The following TENM2 variants were observed in gnomAD, a reference collection of about 807,000 sequenced individuals.
The protein encoded by TENM2 is teneurin-2.
Under a neutral mutation model 245.2 loss-of-function variants are expected in TENM2, and 52 were observed. The observed-to-expected ratio is 0.21, with a 90% CI of 0.17 to 0.27. The LOEUF (loss-of-function observed/expected upper bound fraction) is 0.27. Ranked by LOEUF, TENM2 falls within the 10% of genes least tolerant of loss-of-function variation. The pLI is 1.00. For missense variants in TENM2, 3,046 were observed against 3,666.8 expected, an observed-to-expected ratio of 0.83 and a Z score of 4.37; for synonymous variants, 1,363 against 1,438.9, an observed-to-expected ratio of 0.95 and a Z score of 1.19.
At chr5:167,513,212 A>G (rs1770087746) in intron 2 of TENM2, among the ~76,000 whole-genome samples, 1 of 152,202 alleles carries the variant, frequency 6.6e-6, no homozygotes, top group Admixed American at 6.5e-5. Flanking sequence ...CCTTAGTAAC[A>G]TGTCACTTAT....
intron 3 of TENM2, chr5:167,948,771 A>C (rs939014738): frequency 2.0e-5 from 3 of 152,238 alleles, no homozygotes; most frequent in African/African-American, 4.8e-5. Context: ...AAGAGCTCTT[A>C]GTAATATGCA....
At chr5:167,495,948 T>A (rs1317248066) in intron 2 of TENM2, among the ~76,000 whole-genome samples, 1 of 152,060 alleles carries the variant, frequency 6.6e-6, no homozygotes, top group African/African-American at 2.4e-5. Flanking sequence ...GATTTTAAGA[T>A]GTTGCAAAGT....
the TENM2 span, among the ~76,000 whole-genome samples, chr5:167,008,660 G>A: frequency 1.3e-5 from 2 of 152,098 alleles, no homozygotes; most frequent in Admixed American, 6.5e-5. Context: ...ATGTTGAAAC[G>A]ATTTTCTTCC....
chr5:167,883,504 G>T (rs920495678), intron 3 of TENM2, among the ~76,000 whole-genome samples: 1 of 152,222 alleles, frequency 6.6e-6, no homozygotes, highest in African/African-American at 2.4e-5. Flanking sequence ...AATCAAGATG[G>T]ACAGGTAATT....
the TENM2 span, among the ~76,000 whole-genome samples, chr5:167,176,960 G>T: frequency 6.6e-6 from 1 of 152,106 alleles, no homozygotes; most frequent in East Asian, 1.9e-4. Flanking sequence ...AATTTTATCT[G>T]GGACAAGGCA....
At chr5:167,216,217 G>C in the TENM2 span, among the ~76,000 whole-genome samples, 1 of 152,208 alleles carries the variant, frequency 6.6e-6, no homozygotes, top group Non-Finnish European at 1.5e-5. Flanking sequence ...CTCCACCCAG[G>C]CCAGCCTTGC....
the TENM2 span, among the ~76,000 whole-genome samples, chr5:167,024,116 C>A: frequency 6.6e-6 from 1 of 152,082 alleles, no homozygotes; most frequent in Non-Finnish European, 1.5e-5. Flanking sequence ...GCTATTCAAG[C>A]AAACTGACAA....
intron 2 of TENM2, among the ~76,000 whole-genome samples, chr5:167,496,842 C>T (rs574802064): frequency 2.0e-5 from 3 of 152,170 alleles, no homozygotes; most frequent in South Asian, 2.1e-4. Flanking sequence ...AAAAATGGAG[C>T]ATTTTACATC....
rs146188678 is a variant in TENM2 at position 167,363,500 on chromosome 5, G to T, written c.227-11698G>T. ...TAATTCCAGCACTTTGGGAGGTCGAGGCAGGCGGATCACAAGGTCAGGAGG... is the reference window on the plus strand; with the variant it reads ...TAATTCCAGCACTTTGGGAGGTCGATGCAGGCGGATCACAAGGTCAGGAGG... On this transcript the variant is annotated intron_variant, in intron 1 of 28. Coordinates refer to ENST00000518659, the Ensembl canonical transcript of TENM2. 5.1e-3 allele frequency among the ~76,000 whole-genome samples: 779 copies of T among 152,160 alleles called. 9 individuals carry two copies. Among genetic ancestry groups the T allele is most frequent in the African/African-American group, 0.018 (752 of 41,518 alleles).
At chr5:167,828,669 T>A (rs1480681920) in intron 2 of TENM2, among the ~76,000 whole-genome samples, 1 of 152,218 alleles carries the variant, frequency 6.6e-6, no homozygotes, top group Non-Finnish European at 1.5e-5. Flanking sequence ...AAAAATATAT[T>A]TATTTTTCAA....
intron 2 of TENM2, among the ~76,000 whole-genome samples, chr5:167,381,860 T>A (rs1353300425): frequency 6.6e-6 from 1 of 152,214 alleles, no homozygotes; most frequent in East Asian, 1.9e-4. Flanking sequence ...ATCTGCAAAG[T>A]GGGTTTAATT....
the TENM2 span, among the ~76,000 whole-genome samples, chr5:167,036,177 A>G: frequency 1.3e-5 from 2 of 152,226 alleles, no homozygotes; most frequent in African/African-American, 4.8e-5. Context: ...ACCTGACACC[A>G]GCCTGGGGAA....
intron 2 of TENM2, among the ~76,000 whole-genome samples, chr5:167,435,290 T>C (rs1438111848): frequency 6.6e-6 from 1 of 152,206 alleles, no homozygotes; most frequent in Non-Finnish European, 1.5e-5. Context: ...CCACATGTTG[T>C]AGGAGGAACC....
chr5:168,195,271 A>G, exon 15 of TENM2: 1 of 1,597,596 alleles, frequency 6.3e-7, no homozygotes, highest in Admixed American at 1.7e-5. Context: ...AAATACGGCT[A>G]CACCATCACC....
At chr5:167,299,419 T>G (rs1411590947) in intron 1 of TENM2, among the ~76,000 whole-genome samples, 1 of 152,150 alleles carries the variant, frequency 6.6e-6, no homozygotes, top group African/African-American at 2.4e-5. Flanking sequence ...ACTGGGGACA[T>G]GCTGATTAAA....
At chr5:167,296,592 C>T (rs1754961777) in intron 1 of TENM2, 1 of 152,170 alleles carries the variant, frequency 6.6e-6, no homozygotes, top group South Asian at 2.1e-4. Context: ...AAAATCCAGT[C>T]AACTGCAGGA....
chr5:167,569,194 T>G (rs893074152), intron 2 of TENM2, among the ~76,000 whole-genome samples: 1 of 151,322 alleles, frequency 6.6e-6, no homozygotes, highest in Non-Finnish European at 1.5e-5. Flanking sequence ...TTTTGTATAA[T>G]TTTGATGATT....
At chr5:167,331,112 T>C (rs1273676299) in intron 1 of TENM2, among the ~76,000 whole-genome samples, 1 of 151,596 alleles carries the variant, frequency 6.6e-6, no homozygotes, top group Non-Finnish European at 1.5e-5. Flanking sequence ...GGCACGTGCC[T>C]GTAGTCCCAG....
intron 2 of TENM2, among the ~76,000 whole-genome samples, chr5:167,840,503 A>C (rs2151147032): frequency 6.6e-6 from 1 of 152,300 alleles, no homozygotes; most frequent in Middle Eastern, 3.4e-3. Flanking sequence ...GAATTCGCTA[A>C]GTTCATCCTG....
Sources: allele counts gnomAD v4.1 joint callset (sites outside exome capture counted in the v4.1 genomes callset), GRCh38; gene constraint gnomAD v4.1.1; transcripts MANE v1.5; gene names NCBI Gene and HGNC (gene_info 2026-07-23, HGNC 2026-07-21).